NRG1: variants seen among roughly 807,000 people sequenced by gnomAD.
The protein encoded by NRG1 is pro-neuregulin-1, membrane-bound isoform.
In NRG1, 18 loss-of-function variants were observed where a neutral mutation model predicts 63.8. The ratio of observed to expected loss-of-function variants is 0.28; its 90% CI spans 0.19 to 0.42. The LOEUF is 0.42. NRG1 is among the 10% of genes least tolerant of loss of function. The pLI is 1.00. For missense variants in NRG1, 762 were observed against 814.7 expected (o/e 0.94, Z 0.79); for synonymous variants, 302 against 301.3 (o/e 1.00, Z -0.02).
chr8:32,202,674 C>T (rs879013616), intron 1 of NRG1, among the ~76,000 whole-genome samples: 4 of 151,812 alleles, frequency 2.6e-5, no homozygotes, highest in South Asian at 2.1e-4. Context: ...GGAGAGGGGA[C>T]GGAGTGGGAA....
intron 1 of NRG1, among the ~76,000 whole-genome samples, chr8:32,591,865 A>T (rs1327335656): frequency 6.6e-6 from 1 of 152,132 alleles, no homozygotes; most frequent in Non-Finnish European, 1.5e-5. Context: ...GGACGATGAA[A>T]TCATCTGTGC....
intron 11 of NRG1, chr8:32,763,275 G>A: frequency 6.2e-7 from 1 of 1,613,974 alleles, no homozygotes; most frequent in Non-Finnish European, 8.5e-7. Context: ...AATGCATGCA[G>A]ATCCAGCTAT....
At chr8:31,745,959 GA>G (rs545767205) in intron 1 of NRG1, among the ~76,000 whole-genome samples, 124 of 152,012 alleles carry the variant, frequency 8.2e-4, no homozygotes, top group Middle Eastern at 6.8e-3. Flanking sequence ...CCAGCTTGGG[GA>G]CAGGACCACA....
At chr8:31,825,855 A>G (rs536900762) in intron 1 of NRG1, among the ~76,000 whole-genome samples, 31 of 152,372 alleles carry the variant, frequency 2.0e-4, no homozygotes, top group Middle Eastern at 3.4e-3. Context: ...CATTTATTCA[A>G]CAAACATTTA....
chr8:32,612,048 G>A (rs1174383255), intron 3 of NRG1, among the ~76,000 whole-genome samples: 1 of 151,988 alleles, frequency 6.6e-6, no homozygotes, highest in Non-Finnish European at 1.5e-5. Flanking sequence ...TTACTTGCCT[G>A]TTCAGCATAA....
chr8:31,759,934 T>A lies in NRG1; in HGVS notation c.37+120503T>A, dbSNP rs1817356878. Among the ~76,000 whole-genome samples, 2 of 152,158 alleles carry A rather than the reference T, an allele frequency of 1.3e-5. 1 individual carries two copies. The highest frequency in any genetic ancestry group is 4.1e-4 in the South Asian group (2 of 4,820). Reference sequence around the variant, plus strand: ...AAGATAGCCTAAGTCTTTTATTAAATGTATTCACAAGCGTTTTCTAGTCTT... The same window carrying A: ...AAGATAGCCTAAGTCTTTTATTAAAAGTATTCACAAGCGTTTTCTAGTCTT... On this transcript the variant is annotated intron_variant, in intron 1 of 10. Coordinates refer to the NRG1 transcript ENST00000519301.
upstream of NRG1, among the ~76,000 whole-genome samples, chr8:32,544,703 T>TG (rs1554577193): frequency 9.0e-5 from 13 of 144,672 alleles, no homozygotes; most frequent in African/African-American, 1.3e-4. Context: ...TTTTTTTTTT[T>TG]GTAGAGACAG....
chr8:32,315,605 C>T (rs1364643043), intron 1 of NRG1, among the ~76,000 whole-genome samples: 1 of 152,192 alleles, frequency 6.6e-6, no homozygotes, highest in Non-Finnish European at 1.5e-5. Context: ...TTGCATTTAT[C>T]TCCTAGAATA....
At chr8:32,562,933 G>A (rs1439361287) in intron 1 of NRG1, among the ~76,000 whole-genome samples, 1 of 152,150 alleles carries the variant, frequency 6.6e-6, no homozygotes, top group Non-Finnish European at 1.5e-5. Flanking sequence ...AGGGGTAGAA[G>A]AAAGCTATGA....
intron 1 of NRG1, among the ~76,000 whole-genome samples, chr8:31,947,772 C>T (rs751097492): frequency 4.6e-5 from 7 of 151,606 alleles, no homozygotes; most frequent in Admixed American, 6.6e-5. Context: ...GGTGAAACCC[C>T]GTCTCTAGTA....
intron 1 of NRG1, among the ~76,000 whole-genome samples, chr8:32,559,771 A>G (rs1835986802): frequency 6.6e-6 from 1 of 151,346 alleles, no homozygotes; most frequent in Non-Finnish European, 1.5e-5. Flanking sequence ...CTGAGGTGGG[A>G]GCATCGCTTG....
rs373254802 is a variant in NRG1, at chr8:32,202,943, C to T, written c.38-392885C>T. ...GTTCTCACTTAGGGCTGCAGGTCTA[C>T]GCTTGAGGGTGGAACCCTCGCCAGG... is the stretch of plus-strand genomic sequence containing the variant. On this transcript the variant is annotated intron_variant, in intron 1 of 10. Transcript: ENST00000519301. Among the ~76,000 whole-genome samples, 70 of 151,848 alleles carry T rather than the reference C, an allele frequency of 4.6e-4. No homozygotes were observed. The South Asian group carries it at 0.014, about 29-fold the overall frequency.
At chr8:31,866,263 T>A (rs940675474) in intron 1 of NRG1, among the ~76,000 whole-genome samples, 3 of 152,148 alleles carry the variant, frequency 2.0e-5, no homozygotes, top group African/African-American at 4.8e-5. Context: ...GACAGGCAGT[T>A]GAGAGGGGAC....
At chr8:32,039,583 C>A (rs1420286034) in intron 1 of NRG1, among the ~76,000 whole-genome samples, 1 of 152,180 alleles carries the variant, frequency 6.6e-6, no homozygotes, top group Admixed American at 6.5e-5. Flanking sequence ...AGAGGCTATA[C>A]TGATGAACGT....
intron 1 of NRG1, among the ~76,000 whole-genome samples, chr8:31,854,778 T>C (rs1178586169): frequency 6.6e-6 from 1 of 152,186 alleles, no homozygotes; most frequent in Non-Finnish European, 1.5e-5. Flanking sequence ...TACACACTGC[T>C]TTGAATGCAT....
chr8:32,455,401 T>C (rs748197664), intron 1 of NRG1, among the ~76,000 whole-genome samples: 8 of 152,222 alleles, frequency 5.3e-5, no homozygotes, highest in Non-Finnish European at 7.3e-5. Flanking sequence ...GAAGTTACAA[T>C]AGAGTAATTC....
At chr8:32,547,124 T>C (rs1187935781), upstream of NRG1, among the ~76,000 whole-genome samples, 1 of 152,182 alleles carries the variant, frequency 6.6e-6, no homozygotes, top group Non-Finnish European at 1.5e-5. Context: ...ACAGCTGTGG[T>C]ATAACTCTGA....
intron 1 of NRG1, among the ~76,000 whole-genome samples, chr8:32,065,872 AC>A (rs1348857308): frequency 6.6e-6 from 1 of 152,060 alleles, no homozygotes; most frequent in Non-Finnish European, 1.5e-5. Context: ...TTTAATGATC[AC>A]CATTCTAATT....
At chr8:32,084,215 G>A (rs576765443) in intron 1 of NRG1, among the ~76,000 whole-genome samples, 39 of 152,254 alleles carry the variant, frequency 2.6e-4, no homozygotes, top group Admixed American at 2.4e-3. Context: ...ACTATTTTTA[G>A]TTCCATCGTC....
Sources: gnomAD v4.1 joint callset for allele counts (sites outside exome capture counted in the v4.1 genomes callset) on GRCh38, gnomAD v4.1.1 for gene constraint, MANE v1.5 for transcripts, NCBI Gene and HGNC (gene_info 2026-07-23, HGNC 2026-07-21) for gene names.